The following NTF3 variants were observed in gnomAD, a reference collection of about 807,000 sequenced individuals.
The protein encoded by NTF3 is neurotrophin 3, also known as neurotrophin-3.
Under a neutral mutation model 26.3 loss-of-function variants are expected in NTF3, and 8 were observed. The observed-to-expected ratio is 0.30, with a 90% CI of 0.18 to 0.55. The LOEUF (loss-of-function observed/expected upper bound fraction) is 0.55, where lower values mean the gene tolerates loss of function less well. Ranked by LOEUF, NTF3 falls within the 20% of genes least tolerant of loss-of-function variation. The pLI is 0.93. For missense variants in NTF3, 276 were observed against 352.9 expected (o/e 0.78, Z 1.75); for synonymous variants, 154 against 145.5 (o/e 1.06, Z -0.42).
intron 1 of NTF3, among the ~76,000 whole-genome samples, chr12:5,473,251 A>T (rs1038178784): frequency 6.6e-6 from 1 of 152,126 alleles, no homozygotes; most frequent in African/African-American, 2.4e-5. Flanking sequence ...CTCCACACAC[A>T]TAATTGTGCA....
At chr12:5,455,686 A>G (rs1940437187) in intron 1 of NTF3, among the ~76,000 whole-genome samples, 2 of 152,070 alleles carry the variant, frequency 1.3e-5, no homozygotes, top group South Asian at 2.1e-4. Flanking sequence ...CCCTGTTTAG[A>G]TGGGTGCTGG....
intron 1 of NTF3, among the ~76,000 whole-genome samples, chr12:5,478,418 T>A (rs773305173): frequency 2.0e-5 from 3 of 152,248 alleles, no homozygotes; most frequent in Non-Finnish European, 4.4e-5. Flanking sequence ...ACATTCTGAA[T>A]CAATGCCAGT....
In NTF3 at chr12:5,495,052, A is replaced by G. The variant is rs774907631; in HGVS notation, c.*64A>G. On this transcript the variant is annotated 3_prime_UTR_variant, in exon 2 of 2. Transcript: ENST00000423158. ...TTATATGATATGCATGTAGCATATA[A>G]ATGTTTATATTGTTTTTATATATTA... The G allele has an allele frequency of 2.1e-6, 3 of 1,455,846 alleles. No homozygotes were observed. The highest frequency in any genetic ancestry group is 2.8e-6 in the Non-Finnish European group (3 of 1,066,340). The allele number at this position is 1,455,846 out of a possible 1,614,324, so 90.2% of individuals were successfully genotyped here.
At chr12:5,432,612 C>G (rs1226062730) in intron 1 of NTF3, among the ~76,000 whole-genome samples, 1 of 150,094 alleles carries the variant, frequency 6.7e-6, no homozygotes, top group Admixed American at 6.6e-5. Context: ...CACACAGACA[C>G]GGACACCCTT....
At chr12:5,482,952 C>T (rs1318617300) in intron 1 of NTF3, among the ~76,000 whole-genome samples, 1 of 150,412 alleles carries the variant, frequency 6.6e-6, no homozygotes, top group African/African-American at 2.4e-5. Flanking sequence ...TATCTTTGTC[C>T]CCCTCTCTCC....
chr12:5,463,152 A>C (rs567355551), intron 1 of NTF3, among the ~76,000 whole-genome samples: 19 of 152,310 alleles, frequency 1.2e-4, no homozygotes, highest in African/African-American at 4.6e-4. Flanking sequence ...AGACTAGTAA[A>C]GGGTTATTTT....
chr12:5,478,538 C>T (rs187050721), intron 1 of NTF3, among the ~76,000 whole-genome samples: 15 of 152,362 alleles, frequency 9.8e-5, no homozygotes, highest in African/African-American at 3.1e-4. Flanking sequence ...ATGGCTCATA[C>T]GGGCCTGCGG....
At chr12:5,468,429 G>A (rs747405316) in intron 1 of NTF3, among the ~76,000 whole-genome samples, 18 of 152,040 alleles carry the variant, frequency 1.2e-4, no homozygotes, top group Non-Finnish European at 1.9e-4. Context: ...ATCAAATGAG[G>A]GCAGGTAATG....
At chr12:5,479,796 C>T (rs184039462) in intron 1 of NTF3, among the ~76,000 whole-genome samples, 26 of 152,296 alleles carry the variant, frequency 1.7e-4, no homozygotes, top group African/African-American at 5.1e-4. Flanking sequence ...TCAAGATAGC[C>T]GATGGCTCAG....
intron 1 of NTF3, among the ~76,000 whole-genome samples, chr12:5,467,632 C>G (rs1940609997): frequency 6.6e-6 from 1 of 152,192 alleles, no homozygotes; most frequent in African/African-American, 2.4e-5. Context: ...AAAGCCAGTT[C>G]CAGCTTGAGC....
At position 5,433,385 on chromosome 12, in the gene NTF3, T is replaced by C. The variant is rs1403686243; in HGVS notation, c.18+1043T>C. 1.3e-5 allele frequency: 2 copies of C among 152,300 alleles called. No homozygotes were observed. The highest frequency in any genetic ancestry group is 4.8e-5 in the African/African-American group (2 of 41,434). 9.4% of individuals were successfully genotyped at this position (152,300 alleles called of 1,614,324 possible). On this transcript the variant is annotated intron_variant, in intron 1 of 1. Coordinates refer to ENST00000423158, the MANE Select transcript of NTF3 (RefSeq NM_001102654.2). The surrounding 1 kb of genome is among the most constrained non-coding windows in gnomAD (Gnocchi z 4.6). ...CCGAACTGTCCCATTGCCCCAGAGC[T>C]TTACTCAGTGGTGGATGCTCCTGAT... is the stretch of plus-strand genomic sequence containing the variant.
chr12:5,489,946 G>T (rs1332006487), intron 1 of NTF3, among the ~76,000 whole-genome samples: 2 of 152,212 alleles, frequency 1.3e-5, no homozygotes, highest in Non-Finnish European at 2.9e-5. Flanking sequence ...TTGTAGGAAT[G>T]TTGCTCCAGG....
intron 1 of NTF3, among the ~76,000 whole-genome samples, chr12:5,459,025 G>A (rs1226108295): frequency 6.6e-6 from 1 of 152,172 alleles, no homozygotes; most frequent in Non-Finnish European, 1.5e-5. Flanking sequence ...AGAACTGGGG[G>A]CCGGGCAGGT....
intron 1 of NTF3, among the ~76,000 whole-genome samples, chr12:5,480,443 C>T (rs1026745636): frequency 6.6e-6 from 1 of 152,196 alleles, no homozygotes; most frequent in African/African-American, 2.4e-5. Flanking sequence ...CAAGCTCAGT[C>T]AGAGCCCTGC....
chr12:5,477,902 C>T (rs1177536183), intron 1 of NTF3, among the ~76,000 whole-genome samples: 1 of 152,164 alleles, frequency 6.6e-6, no homozygotes, highest in Non-Finnish European at 1.5e-5. Context: ...GGGGAATTAG[C>T]TGTAGGATAT....
chr12:5,491,545 C>T (rs145389510), intron 1 of NTF3, among the ~76,000 whole-genome samples: 14 of 151,916 alleles, frequency 9.2e-5, no homozygotes, highest in African/African-American at 1.5e-4. Context: ...CACTGAAAAA[C>T]GGGTGAAATT....
At position 5,493,905 on chromosome 12, in the gene NTF3, C is replaced by T. The variant is rs376938896; in HGVS notation, c.19-289C>T. On this transcript the variant is annotated intron_variant, in intron 1 of 1. Transcript: ENST00000423158. The stretch of plus-strand genomic sequence containing the variant: ...AGGGATGTTTAAAGAAGCGGTAGGA[C>T]ATCGTCCACCCACAAGCAGAGACCG... 2.1e-4 allele frequency among the ~76,000 whole-genome samples: 32 copies of T among 152,234 alleles called. No individual in the cohort carries two copies. In the East Asian group the frequency reaches 4.6e-3, roughly 22 times the overall value.
chr12:5,442,502 C>T (rs1940252068), intron 1 of NTF3, among the ~76,000 whole-genome samples: 1 of 152,096 alleles, frequency 6.6e-6, no homozygotes, highest in African/African-American at 2.4e-5. Context: ...GGGGTGAGTC[C>T]ACCTCAGGCC....
chr12:5,432,864 C>T (rs1940114492), intron 1 of NTF3, among the ~76,000 whole-genome samples: 1 of 151,884 alleles, frequency 6.6e-6, no homozygotes, highest in African/African-American at 2.4e-5. Flanking sequence ...AGACAGAACT[C>T]CGGGCGGGGA....
Sources: allele counts gnomAD v4.1 joint callset (sites outside exome capture counted in the v4.1 genomes callset), GRCh38; gene constraint gnomAD v4.1.1; non-coding constraint Gnocchi (gnomAD v3.1); transcripts MANE v1.5; gene names NCBI Gene and HGNC (gene_info 2026-07-23, HGNC 2026-07-21).